Variants in MGAT5 observed in about 807,000 individuals in gnomAD.
The protein encoded by MGAT5 is alpha-1,6-mannosylglycoprotein 6-beta-N-acetylglucosaminyltransferase, also known as alpha-1,6-mannosylglycoprotein 6-beta-N-acetylglucosaminyltransferase A.
In MGAT5, 30 loss-of-function variants were observed where a neutral mutation model predicts 94.3. The ratio of observed to expected loss-of-function variants is 0.32; its 90% CI spans 0.24 to 0.43. The LOEUF is 0.43. Ranked by LOEUF, MGAT5 falls within the 20% of genes least tolerant of loss-of-function variation. The pLI, the probability that MGAT5 is intolerant of heterozygous loss-of-function variation, is 1.00. For missense variants in MGAT5, 691 were observed against 905.5 expected (o/e 0.76, Z 3.04); for synonymous variants, 310 against 322.9 (o/e 0.96, Z 0.43).
chr2:134,335,978 C>T (rs1475302839), intron 4 of MGAT5, among the ~76,000 whole-genome samples: 3 of 152,130 alleles, frequency 2.0e-5, no homozygotes, highest in Non-Finnish European at 4.4e-5. Context: ...CTGTAAAGTA[C>T]TTCGAAGGAC....
rs576860107 is a variant in MGAT5 at position 134,444,293 on chromosome 2, G to A, written c.2027+2378G>A. Among the ~76,000 whole-genome samples, 5 of 152,294 alleles carry A rather than the reference G, an allele frequency of 3.3e-5. No homozygotes were observed. The South Asian group carries it at 1.0e-3, about 32-fold the overall frequency. On this transcript the variant is annotated intron_variant, in intron 15 of 15. Coordinates refer to ENST00000281923, the MANE Select transcript of MGAT5 (RefSeq NM_002410.5). ...ACCTCCGTATCCATGCAGAGTTCAC[G>A]AGAGCAAAAGGACTTGGCGTGGGGC... is the stretch of plus-strand genomic sequence containing the variant.
intron 1 of MGAT5, among the ~76,000 whole-genome samples, chr2:134,247,804 A>G (rs1305596869): frequency 6.6e-6 from 1 of 152,322 alleles, no homozygotes; most frequent in Middle Eastern, 3.4e-3. Context: ...CCAATGGTAG[A>G]ACAAGCTGCA....
intron 1 of MGAT5, among the ~76,000 whole-genome samples, chr2:134,131,040 T>G (rs898453722): frequency 7.9e-5 from 12 of 152,194 alleles, no homozygotes; most frequent in African/African-American, 2.9e-4. Context: ...TGTGGAAGCT[T>G]TGTTCTTTTG....
At chr2:134,383,677 C>T (rs1046800096) in intron 10 of MGAT5, among the ~76,000 whole-genome samples, 1 of 151,920 alleles carries the variant, frequency 6.6e-6, no homozygotes, top group East Asian at 1.9e-4. Flanking sequence ...ACATACCTGT[C>T]ACCTGTTTTT....
chr2:134,166,097 A>G (rs1391952945), intron 1 of MGAT5, among the ~76,000 whole-genome samples: 2 of 152,210 alleles, frequency 1.3e-5, no homozygotes, highest in Non-Finnish European at 2.9e-5. Flanking sequence ...CTAAAACTGC[A>G]TAAGACTGGG....
rs983126116 is a variant in MGAT5 at position 134,308,792 on chromosome 2, T to C, written c.407-8737T>C. On this transcript the variant is annotated intron_variant, in intron 2 of 15. Coordinates refer to ENST00000281923, the MANE Select transcript of MGAT5 (RefSeq NM_002410.5). The stretch of plus-strand genomic sequence containing the variant: ...GCTTATGCCTGTAATCCCAGCACTT[T>C]GGAAGGCTGAGATGGGAGGATGGCT... 2.6e-5 allele frequency among the ~76,000 whole-genome samples: 4 copies of C among 152,310 alleles called. No homozygotes were observed. In the South Asian group the frequency reaches 8.3e-4, roughly 32 times the overall value.
intron 1 of MGAT5, among the ~76,000 whole-genome samples, chr2:134,165,020 C>T (rs1199691781): frequency 6.6e-6 from 1 of 152,158 alleles, no homozygotes; most frequent in African/African-American, 2.4e-5. Flanking sequence ...AGATAACTCT[C>T]CACCAGGGCT....
chr2:134,181,126 A>C (rs956791478), intron 1 of MGAT5, among the ~76,000 whole-genome samples: 1 of 152,154 alleles, frequency 6.6e-6, no homozygotes, highest in Non-Finnish European at 1.5e-5. Context: ...TACTCTTCCA[A>C]AGATGTTCTA....
At chr2:134,434,686 CA>C (rs943222817) in intron 14 of MGAT5, among the ~76,000 whole-genome samples, 2 of 151,996 alleles carry the variant, frequency 1.3e-5, no homozygotes, top group African/African-American at 2.4e-5. Flanking sequence ...ATACAGCCTA[CA>C]AAACCCAGAT....
chr2:134,437,131 GGC>G (rs1428078858), intron 14 of MGAT5, among the ~76,000 whole-genome samples: 5 of 152,164 alleles, frequency 3.3e-5, no homozygotes, highest in Non-Finnish European at 7.3e-5. Context: ...TGGGATTACA[GGC>G]GCGCGCCACC....
chr2:134,158,455 A>G (rs189642074), intron 1 of MGAT5, among the ~76,000 whole-genome samples: 44 of 152,336 alleles, frequency 2.9e-4, no homozygotes, highest in African/African-American at 9.1e-4. Context: ...GACAGTGCCT[A>G]GGACTTGGCC....
chr2:134,279,459 G>C (rs1488326990), intron 2 of MGAT5, among the ~76,000 whole-genome samples: 1 of 152,148 alleles, frequency 6.6e-6, no homozygotes, highest in African/African-American at 2.4e-5. Flanking sequence ...AATAGTTCTT[G>C]CAGAAAAGAA....
chr2:134,446,572 C>T (rs1685790222), intron 15 of MGAT5, among the ~76,000 whole-genome samples: 1 of 152,200 alleles, frequency 6.6e-6, no homozygotes, highest in Non-Finnish European at 1.5e-5. Flanking sequence ...CTGGTAGCTG[C>T]AAGTCTCTGA....
At chr2:134,243,866 G>A (rs926892895) in intron 1 of MGAT5, among the ~76,000 whole-genome samples, 2 of 152,144 alleles carry the variant, frequency 1.3e-5, no homozygotes, top group African/African-American at 2.4e-5. Flanking sequence ...ACTAGGGGTC[G>A]GGGTAATTGG....
At chr2:134,221,924 A>G (rs1251657135) in intron 1 of MGAT5, among the ~76,000 whole-genome samples, 2 of 152,218 alleles carry the variant, frequency 1.3e-5, no homozygotes, top group Non-Finnish European at 2.9e-5. Flanking sequence ...ACAGAAGGCC[A>G]ACAGCAGCAG....
At chr2:134,271,438 ATAAAG>A (rs1351884392) in intron 2 of MGAT5, among the ~76,000 whole-genome samples, 1 of 152,180 alleles carries the variant, frequency 6.6e-6, no homozygotes, top group Non-Finnish European at 1.5e-5. Flanking sequence ...TGGTTAATAG[ATAAAG>A]TAAGTAACTA....
intron 2 of MGAT5, among the ~76,000 whole-genome samples, chr2:134,289,748 A>G (rs1685234047): frequency 6.6e-6 from 1 of 152,134 alleles, no homozygotes; most frequent in South Asian, 2.1e-4. Flanking sequence ...AGTGACCAAC[A>G]CTCAGTAAGA....
At chr2:134,134,983 C>T (rs942005102) in intron 1 of MGAT5, among the ~76,000 whole-genome samples, 1 of 152,164 alleles carries the variant, frequency 6.6e-6, no homozygotes, top group African/African-American at 2.4e-5. Context: ...CTCATGTTAC[C>T]TGTAGAATTA....
intron 5 of MGAT5, among the ~76,000 whole-genome samples, chr2:134,337,908 T>G (rs968417677): frequency 2.0e-5 from 3 of 152,182 alleles, no homozygotes; most frequent in Non-Finnish European, 4.4e-5. Flanking sequence ...TGTCCTGTGG[T>G]AGATCCAAGT....
Sources: gnomAD v4.1 joint callset for allele counts (sites outside exome capture counted in the v4.1 genomes callset) on GRCh38, gnomAD v4.1.1 for gene constraint, MANE v1.5 for transcripts, NCBI Gene and HGNC (gene_info 2026-07-23, HGNC 2026-07-21) for gene names.